SCN3A: variants seen among roughly 807,000 people sequenced by gnomAD.
The protein encoded by SCN3A is sodium channel protein type 3 subunit alpha.
In SCN3A, 60 loss-of-function variants were observed where a neutral mutation model predicts 187.6. The ratio of observed to expected loss-of-function variants is 0.32; its 90% CI spans 0.26 to 0.40. The LOEUF is 0.40. Ranked by LOEUF, SCN3A falls within the 10% of genes least tolerant of loss-of-function variation. The probability of loss-of-function intolerance (pLI) is 1.00; values close to 1 mark genes in which losing one functional copy is unlikely to be tolerated. For missense variants in SCN3A, 1,601 were observed against 2,428.2 expected, an observed-to-expected ratio of 0.66 and a Z score of 7.16; for synonymous variants, 788 against 829.2, an observed-to-expected ratio of 0.95 and a Z score of 0.85.
At chr2:165,149,860 C>G (rs1559233789) in intron 11 of SCN3A, among the ~76,000 whole-genome samples, 1 of 152,150 alleles carries the variant, frequency 6.6e-6, no homozygotes, top group African/African-American at 2.4e-5. Context: ...TCAAAGTAGG[C>G]TCTGTAACTC....
At chr2:165,120,314 A>C (rs183523690) in intron 18 of SCN3A, among the ~76,000 whole-genome samples, 1 of 152,086 alleles carries the variant, frequency 6.6e-6, no homozygotes, top group Admixed American at 6.6e-5. Flanking sequence ...GTTAACACCC[A>C]AAAAAGGCCA....
rs763522130 is a variant in SCN3A, at chr2:165,090,506, G to A, written c.5647C>T (p.Pro1883Ser). Reference protein sequence around the residue: ...QMEDRFMASNPSKVSYEPITT... With the variant: ...QMEDRFMASNSSKVSYEPITT... ...ATAGGCTCATAAGAGACTTTGGAGG[G>A]GTTTGATGCCATAAACCTGTCTTCC... Residue 1883 changes from proline to serine, a missense_variant, in exon 28 of 28, where the codon CCC becomes TCC. Coordinates refer to ENST00000283254, the MANE Select transcript of SCN3A (RefSeq NM_006922.4). The surrounding 1 kb of genome is among the most constrained non-coding windows in gnomAD (Gnocchi z 4.0). The A allele has an allele frequency of 1.2e-6, 2 of 1,613,918 alleles. No homozygotes were observed. The highest frequency in any genetic ancestry group is 1.7e-5 in the Admixed American group (1 of 59,942).
intron 1 of SCN3A, among the ~76,000 whole-genome samples, chr2:165,202,938 T>G (rs762453919): frequency 1.3e-5 from 2 of 152,066 alleles, no homozygotes; most frequent in Non-Finnish European, 2.9e-5. Flanking sequence ...TTATTCTAAT[T>G]ATGTGGTGGC....
At chr2:165,137,561 T>C (rs1687741834) in intron 15 of SCN3A, among the ~76,000 whole-genome samples, 1 of 152,146 alleles carries the variant, frequency 6.6e-6, no homozygotes, top group Non-Finnish European at 1.5e-5. Context: ...AACCACATGA[T>C]TGTGGAGCCA....
intron 1 of SCN3A, among the ~76,000 whole-genome samples, chr2:165,187,264 T>C (rs1691301859): frequency 6.6e-6 from 1 of 152,190 alleles, no homozygotes; most frequent in African/African-American, 2.4e-5. Context: ...TTTAGTAGCT[T>C]CTAAGAGTAT....
intron 11 of SCN3A, 70 bp from the exon 12 acceptor site, chr2:165,147,099 AT>A: frequency 6.4e-7 from 1 of 1,573,042 alleles, no homozygotes. Flanking sequence ...TGGTTAAAAT[AT>A]TGCCATTTAA....
At chr2:165,148,173 A>G (rs1574223798) in intron 11 of SCN3A, among the ~76,000 whole-genome samples, 1 of 116,488 alleles carries the variant, frequency 8.6e-6, no homozygotes, top group South Asian at 3.0e-4. Context: ...AGATTTAAAA[A>G]TGTACTTTGC....
At chr2:165,161,133 CTTTCTTTTT>C (rs2105884684) in intron 9 of SCN3A, among the ~76,000 whole-genome samples, 1 of 83,712 alleles carries the variant, frequency 1.2e-5, no homozygotes, top group South Asian at 4.0e-4. Context: ...TTTTTTCTTT[CTTTCTTTTT>C]TTTTTTTTTT....
intron 11 of SCN3A, among the ~76,000 whole-genome samples, chr2:165,151,914 G>T (rs1028251075): frequency 6.6e-6 from 1 of 152,126 alleles, no homozygotes; most frequent in East Asian, 1.9e-4. Flanking sequence ...TTTTAAATGC[G>T]CATTGGGTAG....
chr2:165,155,650 C>G (rs1243811655), intron 10 of SCN3A, 112 bp downstream of exon 10: 2 of 1,216,500 alleles, frequency 1.6e-6, no homozygotes, highest in East Asian at 2.4e-5. Context: ...CCATCCGCCT[C>G]TGCCTCCCAA....
chr2:165,146,746 G>A lies in SCN3A; in HGVS notation c.1664C>T (p.Pro555Leu). Residue 555 changes from proline (P) to leucine (L), a missense_variant, in exon 12 of 28, where the codon CCT becomes CTT. Physicochemically the swap from Pro to Leu is moderately conservative, Grantham distance 98 (BLOSUM62 -3). Around this residue, in one of 11 missense-constraint regions of SCN3A, gnomAD observed 376 missense variants for 476.0 expected, o/e 0.79. Coordinates refer to ENST00000283254, the MANE Select transcript of SCN3A (RefSeq NM_006922.4). ...CTTAGTAGAAAATCATACCTGATGA[G>A]GGGAGCAGAATTTTTTGTCACTGGT... Reference protein sequence around the residue: ...RLTSDKKFCSPHQSLLSIRGS... With the variant: ...RLTSDKKFCSLHQSLLSIRGS... The A allele has an allele frequency of 3.1e-6, 5 of 1,613,972 alleles. No individual in the cohort carries two copies. Among genetic ancestry groups the A allele is most frequent in the Non-Finnish European group, 4.2e-6 (5 of 1,179,934 alleles).
chr2:165,166,093 T>A (rs1256997738), intron 5 of SCN3A, among the ~76,000 whole-genome samples: 1 of 152,228 alleles, frequency 6.6e-6, no homozygotes, highest in Non-Finnish European at 1.5e-5. Flanking sequence ...TTTCTTGTAT[T>A]AGTGGTTAGT....
At chr2:165,188,154 G>A (rs2105959330) in intron 1 of SCN3A, among the ~76,000 whole-genome samples, 1 of 152,258 alleles carries the variant, frequency 6.6e-6, no homozygotes, top group African/African-American at 2.4e-5. Context: ...GAAGGGTGGA[G>A]TTTGAAAAAG....
chr2:165,114,252 G>T (rs757938371), intron 19 of SCN3A, among the ~76,000 whole-genome samples: 6 of 152,134 alleles, frequency 3.9e-5, no homozygotes, highest in Non-Finnish European at 7.4e-5. Context: ...TTGCCTCAAG[G>T]CCATTGATGA....
chr2:165,174,922 T>G (rs1690353627), intron 3 of SCN3A, among the ~76,000 whole-genome samples: 1 of 152,246 alleles, frequency 6.6e-6, no homozygotes, highest in Non-Finnish European at 1.5e-5. Flanking sequence ...AAGCTTGCTA[T>G]TCAAAGTGTG....
intron 9 of SCN3A, among the ~76,000 whole-genome samples, chr2:165,161,034 TAC>T (rs1220133266): frequency 6.6e-6 from 1 of 152,118 alleles, no homozygotes; most frequent in African/African-American, 2.4e-5. Flanking sequence ...GCAATCCTTC[TAC>T]TTTAGCCCCC....
rs564108920 is a variant in SCN3A, at chr2:165,201,606, A to T, written c.-248+2217T>A. Among the ~76,000 whole-genome samples, 26 of 152,138 alleles carry T rather than the reference A, an allele frequency of 1.7e-4. 1 individual carries two copies. Among genetic ancestry groups the T allele is most frequent in the African/African-American group, 6.0e-4 (25 of 41,542 alleles). ...CATTATTATTCCTATTTTAAAGATG[A>T]TGTAATAAAGGCTCAGAGAGTTTAA... On this transcript the variant is annotated intron_variant, in intron 1 of 27. Transcript: ENST00000283254.
chr2:165,146,713 C>G (rs1429332124), intron 12 of SCN3A, 26 bp downstream of exon 12: 1 of 1,613,328 alleles, frequency 6.2e-7, no homozygotes, highest in Non-Finnish European at 8.5e-7. Flanking sequence ...GACAAAGAAA[C>G]CAGAGCACTT....
intron 20 of SCN3A, 110 bp from the exon 21 acceptor site, chr2:165,113,168 T>A: frequency 1.2e-6 from 1 of 826,158 alleles, no homozygotes. Flanking sequence ...ATTATTGATA[T>A]TTTACATAAA....
Sources: gnomAD v4.1 joint callset for allele counts (sites outside exome capture counted in the v4.1 genomes callset) on GRCh38, gnomAD v4.1.1 for gene constraint, gnomAD v4.1.1 regional missense constraint, Gnocchi (gnomAD v3.1) non-coding constraint, MANE v1.5 for transcripts, NCBI Gene and HGNC (gene_info 2026-07-23, HGNC 2026-07-21) for gene names.